The following RGS6 variants were observed in gnomAD, a reference collection of about 807,000 sequenced individuals.
The protein encoded by RGS6 is regulator of G protein signaling 6, also known as regulator of G-protein signaling 6.
RGS6 carries 30 observed loss-of-function variants against 78.5 expected under a neutral mutation model. The ratio of observed to expected loss-of-function variants is 0.38; its 90% CI spans 0.29 to 0.52. The LOEUF (loss-of-function observed/expected upper bound fraction) is 0.52. Among genes scored for constraint, RGS6 ranks in the 20% least tolerant of loss-of-function variants. The probability of loss-of-function intolerance (pLI) is 0.85; values close to 1 mark genes in which losing one functional copy is unlikely to be tolerated. For missense variants in RGS6, 495 were observed against 609.7 expected (o/e 0.81, Z 1.98); for synonymous variants, 206 against 206.0 (o/e 1.00, Z 0.00).
chr14:72,125,301 C>G (rs1449958215), intron 2 of RGS6, among the ~76,000 whole-genome samples: 1 of 152,160 alleles, frequency 6.6e-6, no homozygotes, highest in Non-Finnish European at 1.5e-5. Flanking sequence ...TGAGAATGCT[C>G]CACTGCCAGT....
intron 2 of RGS6, among the ~76,000 whole-genome samples, chr14:72,238,180 G>A (rs528914728): frequency 6.6e-6 from 1 of 152,268 alleles, no homozygotes; most frequent in African/African-American, 2.4e-5. Context: ...AGCCGCATCT[G>A]TTTATAGTTT....
chr14:72,336,835 C>G (rs1395578319), intron 2 of RGS6, among the ~76,000 whole-genome samples: 2 of 152,020 alleles, frequency 1.3e-5, no homozygotes, highest in African/African-American at 4.8e-5. Flanking sequence ...CCCAGCCTCT[C>G]TCTCTGGCCT....
chr14:72,580,934 G>A, the RGS6 span, among the ~76,000 whole-genome samples: 311 of 152,282 alleles, frequency 2.0e-3, 1 homozygote, highest in African/African-American at 7.3e-3. Flanking sequence ...ATTGAGTCAG[G>A]GTCCAGAGTC....
At chr14:72,085,167 G>GT (rs774901911) in intron 2 of RGS6, among the ~76,000 whole-genome samples, 31 of 152,208 alleles carry the variant, frequency 2.0e-4, no homozygotes, top group Non-Finnish European at 3.8e-4. Context: ...ACAGTAAGGC[G>GT]TGAGGGTAAG....
chr14:72,370,479 G>C (rs902764429), intron 3 of RGS6, among the ~76,000 whole-genome samples: 1 of 152,198 alleles, frequency 6.6e-6, no homozygotes, highest in Non-Finnish European at 1.5e-5. Context: ...GTCAGGTTTG[G>C]GTCAGGGAGA....
At chr14:72,578,247 GTTCACA>G in the RGS6 span, among the ~76,000 whole-genome samples, 7 of 152,180 alleles carry the variant, frequency 4.6e-5, no homozygotes, top group Non-Finnish European at 1.0e-4. Flanking sequence ...TCTGGGACAT[GTTCACA>G]TCCTCCTCCT....
chr14:72,610,894 A>G, the RGS6 span, among the ~76,000 whole-genome samples: 225 of 152,364 alleles, frequency 1.5e-3, no homozygotes, highest in Admixed American at 3.3e-3. Context: ...TTCCACCAGC[A>G]GGGCCATTCA....
chr14:72,241,241 A>G (rs890197432), intron 2 of RGS6, among the ~76,000 whole-genome samples: 4 of 151,996 alleles, frequency 2.6e-5, no homozygotes, highest in African/African-American at 9.7e-5. Flanking sequence ...CATTTTGTGT[A>G]TAAAAAATCA....
downstream of RGS6, among the ~76,000 whole-genome samples, chr14:72,569,139 T>TGA (rs1681230716): frequency 6.7e-6 from 1 of 148,890 alleles, no homozygotes; most frequent in Non-Finnish European, 1.5e-5. Context: ...TGTGTGTGTG[T>TGA]GACTTTTAGT....
chr14:71,951,775 GT>G (rs1436633018), intron 1 of RGS6, among the ~76,000 whole-genome samples: 1 of 152,006 alleles, frequency 6.6e-6, no homozygotes, highest in East Asian at 1.9e-4. Context: ...TCTCACGTCT[GT>G]CAGCATTTTT....
At chr14:72,490,255 C>T (rs917725831) in intron 12 of RGS6, among the ~76,000 whole-genome samples, 2 of 152,172 alleles carry the variant, frequency 1.3e-5, no homozygotes, top group African/African-American at 2.4e-5. Flanking sequence ...CACAAGCTCG[C>T]TCTCTTTGCC....
the RGS6 span, among the ~76,000 whole-genome samples, chr14:71,913,702 T>A: frequency 6.6e-6 from 1 of 152,230 alleles, no homozygotes; most frequent in Non-Finnish European, 1.5e-5. Context: ...AGGAGACACA[T>A]GCAAGAAGAA....
At chr14:72,136,393 A>G (rs768540037) in intron 2 of RGS6, among the ~76,000 whole-genome samples, 1 of 152,144 alleles carries the variant, frequency 6.6e-6, no homozygotes, top group Admixed American at 6.6e-5. Context: ...GAATAAAGAC[A>G]TATCGAAGAC....
intron 2 of RGS6, among the ~76,000 whole-genome samples, chr14:72,199,662 G>T (rs2041029226): frequency 6.6e-6 from 1 of 152,162 alleles, no homozygotes; most frequent in South Asian, 2.1e-4. Flanking sequence ...GTAGGTGGCT[G>T]TTCCCACAGG....
Position 72,523,834 on chromosome 14 carries a change from AT to A in RGS6, c.1278+5306del, listed in dbSNP as rs139645535. Among the ~76,000 whole-genome samples, 111 of 149,318 alleles carry A rather than the reference AT, an allele frequency of 7.4e-4. 1 individual carries two copies. Among genetic ancestry groups the A allele is most frequent in the African/African-American group, 2.4e-3 (95 of 39,586 alleles). ...GGAGAAAAATATATAGGCCATGATT[AT>A]TTTTTTTTAAGGACTCAGTTCTTTA... On this transcript the variant is annotated intron_variant, in intron 15 of 17. Transcript: ENST00000553525.
At chr14:72,102,623 C>A (rs1190303454) in intron 2 of RGS6, among the ~76,000 whole-genome samples, 2 of 152,164 alleles carry the variant, frequency 1.3e-5, no homozygotes, top group Admixed American at 6.6e-5. Context: ...TTTAATTTAG[C>A]ATGCCTAACT....
intron 1 of RGS6, among the ~76,000 whole-genome samples, chr14:71,953,665 T>G (rs957095432): frequency 6.6e-6 from 1 of 151,916 alleles, no homozygotes; most frequent in Admixed American, 6.6e-5. Flanking sequence ...TTAAAAAATA[T>G]TTTTTTTGTC....
At chr14:72,436,402 GA>G (rs901624044) in intron 3 of RGS6, among the ~76,000 whole-genome samples, 5 of 152,126 alleles carry the variant, frequency 3.3e-5, no homozygotes, top group African/African-American at 9.6e-5. Flanking sequence ...AGTAAGCATG[GA>G]TATGACCATT....
intron 2 of RGS6, among the ~76,000 whole-genome samples, chr14:72,327,696 G>A (rs1349356001): frequency 1.3e-5 from 2 of 152,198 alleles, no homozygotes; most frequent in Non-Finnish European, 2.9e-5. Flanking sequence ...GCATAATTAT[G>A]TATTGGCTGT....
Sources: gnomAD v4.1 joint callset for allele counts (sites outside exome capture counted in the v4.1 genomes callset) on GRCh38, gnomAD v4.1.1 for gene constraint, MANE v1.5 for transcripts, NCBI Gene and HGNC (gene_info 2026-07-23, HGNC 2026-07-21) for gene names.